Variants in MYO9A observed in about 807,000 individuals in gnomAD.
The protein encoded by MYO9A is myosin IXA.
In MYO9A, 103 loss-of-function variants were observed where a neutral mutation model predicts 293.3. The ratio of observed to expected loss-of-function variants is 0.35; its 90% CI spans 0.30 to 0.41. The LOEUF is 0.41. Ranked by LOEUF, MYO9A falls within the 10% of genes least tolerant of loss-of-function variation. The pLI is 1.00. For synonymous variants in MYO9A, 1,001 were observed against 1,035.7 expected, an observed-to-expected ratio of 0.97 and a Z score of 0.64; for missense variants, 2,685 against 3,033.0, an observed-to-expected ratio of 0.89 and a Z score of 2.69.
intron 1 of MYO9A, among the ~76,000 whole-genome samples, chr15:72,108,885 C>A (rs545107524): frequency 6.6e-6 from 1 of 151,592 alleles, no homozygotes; most frequent in East Asian, 2.0e-4. Flanking sequence ...GCCTCAGTCT[C>A]CCGAGTAGCT....
chr15:72,069,464 A>C (rs1298098798), intron 1 of MYO9A, among the ~76,000 whole-genome samples: 1 of 152,112 alleles, frequency 6.6e-6, no homozygotes, highest in Non-Finnish European at 1.5e-5. Flanking sequence ...AAAAATTCAA[A>C]ATGTTTGTTG....
At chr15:72,085,393 CAAAAAAAA>C (rs766156056) in intron 1 of MYO9A, among the ~76,000 whole-genome samples, 2 of 95,178 alleles carry the variant, frequency 2.1e-5, no homozygotes, top group African/African-American at 7.6e-5. Context: ...GAGTCTGTCT[CAAAAAAAA>C]AAAAAAGAAA....
chr15:71,977,286 T>C, intron 12 of MYO9A, among the ~76,000 whole-genome samples: 1 of 152,156 alleles, frequency 6.6e-6, no homozygotes, highest in Non-Finnish European at 1.5e-5. Context: ...GGCTGGACTA[T>C]AGTGCATTGG....
intron 5 of MYO9A, among the ~76,000 whole-genome samples, chr15:72,020,454 T>C (rs1393087089): frequency 1.3e-5 from 2 of 152,184 alleles, no homozygotes; most frequent in African/African-American, 4.8e-5. Flanking sequence ...CATTAAATTA[T>C]AAAAATAGTC....
Position 71,991,148 on chromosome 15 carries a change from T to C in MYO9A, c.1677A>G (p.Glu559=). 6.2e-7 allele frequency: 1 copy of C among 1,608,588 alleles called. No homozygotes were observed. The highest frequency in any genetic ancestry group is 1.7e-5 in the Admixed American group (1 of 59,068). The stretch of plus-strand genomic sequence containing the variant: ...GCTGATTAAAGTAGTGCTGTAAACG[T>C]TCATTAGCAAAATTAATACAGAACT... ...FEQFCINFAN[E]RLQHYFNQHI... is the part of the protein sequence containing the mutation. The change falls in exon 11 of 42, where the codon GAA becomes GAG. Residue 559 remains glutamate (E), a synonymous_variant. Transcript: ENST00000356056.
chr15:71,932,138 G>T (rs546410577), intron 18 of MYO9A, among the ~76,000 whole-genome samples: 9 of 152,308 alleles, frequency 5.9e-5, no homozygotes, highest in East Asian at 1.9e-4. Flanking sequence ...AGGTTGAAGT[G>T]TTAAGTGTGT....
intron 33 of MYO9A, among the ~76,000 whole-genome samples, chr15:71,861,516 A>G (rs988947288): frequency 3.4e-5 from 5 of 147,822 alleles, no homozygotes; most frequent in African/African-American, 4.9e-5. Context: ...TTTCTACTGT[A>G]ATCTGCTAAA....
rs1458619892 is a variant in MYO9A at position 71,826,246 on chromosome 15, T to TC, written c.*333dup. The TC allele has an allele frequency of 8.5e-6, 2 of 235,092 alleles. No homozygotes were observed. Among genetic ancestry groups the TC allele is most frequent in the Admixed American group, 5.0e-5 (1 of 20,120 alleles). The allele number at this position is 235,092 out of a possible 1,614,324, so 14.6% of individuals were successfully genotyped here. A position where few individuals can be genotyped will look rare whatever the true frequency, so the allele number is the denominator to read the frequency against. ...GAGAGGGTCCCTCAGGACAGCAATA[T>TC]CCCCCCTAGTTCAACACCCACCTTT... On this transcript the variant is annotated 3_prime_UTR_variant, in exon 42 of 42. Coordinates refer to ENST00000356056, the MANE Select transcript of MYO9A (RefSeq NM_006901.4).
At chr15:71,887,714 A>G (rs1167040403) in intron 27 of MYO9A, among the ~76,000 whole-genome samples, 1 of 152,108 alleles carries the variant, frequency 6.6e-6, no homozygotes, top group African/African-American at 2.4e-5. Context: ...TGTATGCACT[A>G]ACTTGCTTAT....
chr15:72,113,811 A>G (rs749918109), intron 1 of MYO9A, among the ~76,000 whole-genome samples: 22 of 152,216 alleles, frequency 1.4e-4, no homozygotes, highest in Non-Finnish European at 3.2e-4. Flanking sequence ...GCAATCAATG[A>G]GAAAAAGAGC....
At chr15:71,874,194 A>C (rs1423839170) in intron 32 of MYO9A, among the ~76,000 whole-genome samples, 3 of 152,264 alleles carry the variant, frequency 2.0e-5, no homozygotes, top group Non-Finnish European at 2.9e-5. Flanking sequence ...GCAAGTAAGG[A>C]TGTAAAAAGA....
intron 1 of MYO9A, among the ~76,000 whole-genome samples, chr15:72,066,187 A>C (rs2079015656): frequency 6.6e-6 from 1 of 152,194 alleles, no homozygotes; most frequent in African/African-American, 2.4e-5. Context: ...CAGGTTAAGC[A>C]GTAATAGCTG....
Position 72,046,419 on chromosome 15 carries a change from G to C in MYO9A, c.145C>G (p.Leu49Val). Residue 49 changes from leucine to valine, a missense_variant, in exon 2 of 42, where the codon CTT becomes GTT. By Grantham distance (32) the Leu-to-Val change is conservative. Around this residue, in one of 10 missense-constraint regions of MYO9A, gnomAD observed 67 missense variants for 63.2 expected, o/e 1.06. Coordinates refer to ENST00000356056, the MANE Select transcript of MYO9A (RefSeq NM_006901.4). ...TTGTCAAGATGAAGTTTGTTTATAA[G>C]AGACTCAATCACCTCAGCAGCTGTG... ...NSTAAEVIES[L>V]INKLHLDKTK... The C allele has an allele frequency of 6.2e-7, 1 of 1,614,198 alleles. No homozygotes were observed. Among genetic ancestry groups the C allele is most frequent in the South Asian group, 1.1e-5 (1 of 91,084 alleles).
intron 18 of MYO9A, among the ~76,000 whole-genome samples, chr15:71,924,568 T>C (rs1241680410): frequency 6.6e-6 from 1 of 151,980 alleles, no homozygotes. Flanking sequence ...TTTAACTTAT[T>C]GAGACTTGTT....
chr15:72,085,424 C>A (rs2079687843), intron 1 of MYO9A, among the ~76,000 whole-genome samples: 1 of 151,670 alleles, frequency 6.6e-6, no homozygotes, highest in Non-Finnish European at 1.5e-5. Flanking sequence ...ATGAAAAAAT[C>A]TGCAGCTGCA....
At chr15:72,009,706 A>G (rs570710155) in intron 7 of MYO9A, among the ~76,000 whole-genome samples, 1 of 152,090 alleles carries the variant, frequency 6.6e-6, no homozygotes, top group Non-Finnish European at 1.5e-5. Flanking sequence ...TCCAAAAAAA[A>G]CAAAGAAAAA....
intron 1 of MYO9A, among the ~76,000 whole-genome samples, chr15:72,100,125 G>A (rs1596569439): frequency 1.3e-5 from 2 of 152,020 alleles, no homozygotes; most frequent in South Asian, 4.1e-4. Context: ...GCTTGCACCT[G>A]GAATCCCAAC....
chr15:71,911,087 T>C (rs974597035), intron 19 of MYO9A, among the ~76,000 whole-genome samples: 46 of 152,308 alleles, frequency 3.0e-4, no homozygotes, highest in Middle Eastern at 6.8e-3. Flanking sequence ...AATAACCACT[T>C]GAGAAGCAGC....
chr15:71,936,384 C>T (rs983151902), intron 16 of MYO9A, among the ~76,000 whole-genome samples: 2 of 151,990 alleles, frequency 1.3e-5, no homozygotes, highest in African/African-American at 4.8e-5. Context: ...AGTAAGACAA[C>T]AGGAATAAAT....
Sources: gnomAD v4.1 joint callset for allele counts (sites outside exome capture counted in the v4.1 genomes callset) on GRCh38, gnomAD v4.1.1 for gene constraint, gnomAD v4.1.1 regional missense constraint, MANE v1.5 for transcripts, NCBI Gene and HGNC (gene_info 2026-07-23, HGNC 2026-07-21) for gene names.